The following ZNF804B variants were observed in gnomAD, a reference collection of about 807,000 sequenced individuals.
ZNF804B encodes the protein zinc finger 804B.
Under a neutral mutation model 101.4 loss-of-function variants are expected in ZNF804B, and 80 were observed. The ratio of observed to expected loss-of-function variants is 0.79; its 90% CI spans 0.66 to 0.95. The LOEUF (loss-of-function observed/expected upper bound fraction) is 0.95, where lower values mean the gene tolerates loss of function less well. ZNF804B is among the 40% of genes least tolerant of loss of function. The probability of loss-of-function intolerance (pLI) is 0.00; values close to 1 mark genes in which losing one functional copy is unlikely to be tolerated. For missense variants in ZNF804B, 1,673 were observed against 1,561.9 expected (o/e 1.07, Z -1.20); for synonymous variants, 622 against 558.8 (o/e 1.11, Z -1.59).
rs770860646 is a variant in ZNF804B at position 89,334,588 on chromosome 7, C to A, written c.1606C>A (p.Pro536Thr). The change falls in exon 4 of 4, where the codon CCA (proline) becomes ACA (threonine). Residue 536 changes from proline to threonine, a missense_variant. By Grantham distance (38) the Pro-to-Thr change is conservative. Transcript: ENST00000333190. Reference protein sequence around the residue: ...LIQEDYQYPKPKTMIANPDWE... With the variant: ...LIQEDYQYPKTKTMIANPDWE... ...CCAAGAAGATTATCAATATCCGAAA[C>A]CAAAGACGATGATAGCTAATCCGGA... 1 of 1,613,666 alleles carries A rather than the reference C, an allele frequency of 6.2e-7. No homozygotes were observed. Among genetic ancestry groups the A allele is most frequent in the South Asian group, 1.1e-5 (1 of 91,064 alleles).
chr7:88,780,867 TA>T (rs1481401439), intron 1 of ZNF804B, among the ~76,000 whole-genome samples: 4 of 152,154 alleles, frequency 2.6e-5, no homozygotes, highest in African/African-American at 7.2e-5. Context: ...CAGGAAGAAA[TA>T]AAAATGTGTA....
intron 1 of ZNF804B, among the ~76,000 whole-genome samples, chr7:88,873,445 T>C (rs1791872327): frequency 6.6e-6 from 1 of 152,220 alleles, no homozygotes; most frequent in African/African-American, 2.4e-5. Context: ...TGGTAGTTTC[T>C]TTTGCTGTGC....
At chr7:88,884,496 T>G (rs917913545) in intron 1 of ZNF804B, among the ~76,000 whole-genome samples, 1 of 151,740 alleles carries the variant, frequency 6.6e-6, no homozygotes, top group Non-Finnish European at 1.5e-5. Flanking sequence ...TCTTAAAGTT[T>G]AAAAAAATCT....
intron 1 of ZNF804B, among the ~76,000 whole-genome samples, chr7:89,089,672 G>A (rs1393509335): frequency 6.6e-6 from 1 of 151,740 alleles, no homozygotes; most frequent in Non-Finnish European, 1.5e-5. Flanking sequence ...TTTAAATATT[G>A]AAATATAATT....
intron 1 of ZNF804B, among the ~76,000 whole-genome samples, chr7:88,895,964 T>C (rs988690026): frequency 6.6e-6 from 1 of 152,210 alleles, no homozygotes; most frequent in Non-Finnish European, 1.5e-5. Flanking sequence ...TGTTGGATTA[T>C]AACTCCTTAC....
intron 1 of ZNF804B, among the ~76,000 whole-genome samples, chr7:88,809,724 T>G (rs980660788): frequency 1.3e-5 from 2 of 152,224 alleles, no homozygotes; most frequent in African/African-American, 4.8e-5. Flanking sequence ...TTGACAGTAT[T>G]GATTTGTCTT....
At chr7:89,078,994 G>T (rs1159933789) in intron 1 of ZNF804B, among the ~76,000 whole-genome samples, 1 of 151,914 alleles carries the variant, frequency 6.6e-6, no homozygotes, top group Non-Finnish European at 1.5e-5. Flanking sequence ...CTTTTTCCAT[G>T]CTTTTATACT....
chr7:88,870,400 A>AAAAAAAAAAAAAG (rs781332488), intron 1 of ZNF804B, among the ~76,000 whole-genome samples: 4 of 112,664 alleles, frequency 3.6e-5, no homozygotes, highest in African/African-American at 1.6e-4. Flanking sequence ...AAAAAAAAAA[A>AAAAAAAAAAAAAG]AAAAAAAGGT....
chr7:89,004,914 C>T (rs2116179825), intron 1 of ZNF804B, among the ~76,000 whole-genome samples: 1 of 151,988 alleles, frequency 6.6e-6, no homozygotes, highest in South Asian at 2.1e-4. Flanking sequence ...TAATTCTTGG[C>T]TATATTTTGT....
At chr7:89,116,286 T>C (rs1790312039) in intron 1 of ZNF804B, among the ~76,000 whole-genome samples, 2 of 152,150 alleles carry the variant, frequency 1.3e-5, no homozygotes, top group South Asian at 2.1e-4. Flanking sequence ...GTGATGTCTA[T>C]GGTTCAAAAT....
intron 2 of ZNF804B, among the ~76,000 whole-genome samples, chr7:89,243,178 C>T (rs1789394637): frequency 6.6e-6 from 1 of 151,588 alleles, no homozygotes. Context: ...ACTCTTGATA[C>T]TGCAAAAAAA....
chr7:88,854,760 C>T (rs1220658840), intron 1 of ZNF804B, among the ~76,000 whole-genome samples: 6 of 113,734 alleles, frequency 5.3e-5, no homozygotes, highest in Non-Finnish European at 1.0e-4. Context: ...CCCCCTCCCC[C>T]GACCCCACAA....
rs777436350 is a variant in ZNF804B at position 89,336,519 on chromosome 7, A to G, written c.3537A>G (p.Arg1179=). Reference sequence around the variant, plus strand: ...AGCAACTCCTATCAAAGCATCTTCGAGTTTTGCCTGCTGCAGGGCCTACTG... The same window carrying G: ...AGCAACTCCTATCAAAGCATCTTCGGGTTTTGCCTGCTGCAGGGCCTACTG... ...MQKQLLSKHL[R]VLPAAGPTAF... Residue 1179 remains arginine (R), a synonymous_variant, in exon 4 of 4, where the codon CGA becomes CGG. Transcript: ENST00000333190. 1.2e-6 allele frequency: 2 copies of G among 1,614,086 alleles called. No individual in the cohort carries two copies. Among genetic ancestry groups the G allele is most frequent in the Non-Finnish European group, 1.7e-6 (2 of 1,180,010 alleles).
intron 1 of ZNF804B, among the ~76,000 whole-genome samples, chr7:88,765,959 G>C (rs1285116906): frequency 2.6e-5 from 4 of 152,134 alleles, no homozygotes; most frequent in Admixed American, 6.6e-5. Context: ...AGCATTTTCA[G>C]TTGTAGCTAA....
At chr7:89,169,256 T>C (rs976532197) in intron 1 of ZNF804B, among the ~76,000 whole-genome samples, 2 of 152,050 alleles carry the variant, frequency 1.3e-5, no homozygotes, top group African/African-American at 4.8e-5. Flanking sequence ...CAGTGTACAC[T>C]TGCAAGATTT....
At chr7:88,885,054 C>T (rs1410307202) in intron 1 of ZNF804B, among the ~76,000 whole-genome samples, 1 of 151,902 alleles carries the variant, frequency 6.6e-6, no homozygotes, top group Non-Finnish European at 1.5e-5. Context: ...AAAGAGGAAG[C>T]ATTTCAATGC....
At chr7:89,140,757 T>A (rs182788280) in intron 1 of ZNF804B, among the ~76,000 whole-genome samples, 7 of 152,242 alleles carry the variant, frequency 4.6e-5, no homozygotes, top group African/African-American at 1.7e-4. Context: ...TAAAACTTTC[T>A]TGTTATCAGC....
chr7:89,065,826 G>A (rs773550131), intron 1 of ZNF804B, among the ~76,000 whole-genome samples: 33 of 151,870 alleles, frequency 2.2e-4, no homozygotes, highest in Non-Finnish European at 2.9e-4. Context: ...TTGTCCCTCC[G>A]ATCTCCTGCC....
intron 1 of ZNF804B, among the ~76,000 whole-genome samples, chr7:89,182,324 A>C (rs762827755): frequency 1.1e-4 from 16 of 152,194 alleles, no homozygotes; most frequent in Non-Finnish European, 2.2e-4. Flanking sequence ...AAATTCTGCT[A>C]ATACAGCATA....
Sources: allele counts gnomAD v4.1 joint callset (sites outside exome capture counted in the v4.1 genomes callset), GRCh38; gene constraint gnomAD v4.1.1; transcripts MANE v1.5; gene names NCBI Gene and HGNC (gene_info 2026-07-23, HGNC 2026-07-21).